Variants in SHANK2 observed in about 807,000 individuals in gnomAD.
SHANK2 encodes SH3 and multiple ankyrin repeat domains protein 2.
SHANK2 carries 43 observed loss-of-function variants against 133.7 expected under a neutral mutation model. The ratio of observed to expected loss-of-function variants is 0.32; its 90% confidence interval spans 0.25 to 0.41. SHANK2 has a LOEUF of 0.41. Among genes scored for constraint, SHANK2 ranks in the 10% least tolerant of loss-of-function variants. The pLI, the probability that SHANK2 is intolerant of heterozygous loss-of-function variation, is 1.00. For missense variants in SHANK2, 1,994 were observed against 2,235.8 expected, an observed-to-expected ratio of 0.89 and a Z score of 2.18; for synonymous variants, 1,017 against 952.8, an observed-to-expected ratio of 1.07 and a Z score of -1.24.
intron 17 of SHANK2, among the ~76,000 whole-genome samples, chr11:70,643,567 G>GAAA (rs536391581): frequency 2.2e-5 from 2 of 92,294 alleles, no homozygotes; most frequent in East Asian, 3.4e-4. Flanking sequence ...CTCCGTCTCG[G>GAAA]AAAAAAAAAA....
chr11:70,794,540 A>G (rs935039751), intron 14 of SHANK2, among the ~76,000 whole-genome samples: 1 of 152,088 alleles, frequency 6.6e-6, no homozygotes, highest in African/African-American at 2.4e-5. Flanking sequence ...GGGGTGAAAG[A>G]AAGGTGTTTT....
rs73535372 is a variant in SHANK2 at position 70,937,721 on chromosome 11, T to G, written c.1108-41154A>C. On this transcript the variant is annotated intron_variant, in intron 10 of 25. Coordinates refer to ENST00000601538, the MANE Select transcript of SHANK2 (RefSeq NM_012309.5). ...TTCTTGAGGGGCAATAGAACATTTT[T>G]TAAAAGGCAAAGCTTGGAGAAAAAA... is the stretch of plus-strand genomic sequence containing the variant. Among the ~76,000 whole-genome samples the G allele has an allele frequency of 7.1e-3, 1,074 of 152,246 alleles. 10 individuals are homozygous for G. The highest frequency in any genetic ancestry group is 0.025 in the African/African-American group (1,049 of 41,538).
chr11:70,885,132 C>T (rs905501278), intron 11 of SHANK2, among the ~76,000 whole-genome samples: 8 of 152,154 alleles, frequency 5.3e-5, no homozygotes, highest in African/African-American at 1.7e-4. Context: ...ACTGGGGTCT[C>T]GTGTGGTTGG....
At chr11:70,658,207 CA>C (rs1279788180) in intron 17 of SHANK2, among the ~76,000 whole-genome samples, 2 of 82,228 alleles carry the variant, frequency 2.4e-5, no homozygotes, top group Non-Finnish European at 2.6e-5. Flanking sequence ...CACGCCCCCC[CA>C]ACACACACAC....
At chr11:70,563,533 T>C (rs2059933189) in intron 17 of SHANK2, among the ~76,000 whole-genome samples, 1 of 120,256 alleles carries the variant, frequency 8.3e-6, no homozygotes, top group South Asian at 3.1e-4. Flanking sequence ...TTTCCATCTG[T>C]GGTCACTTTT....
At chr11:70,508,456 A>T (rs1354962342) in intron 17 of SHANK2, among the ~76,000 whole-genome samples, 9 of 152,186 alleles carry the variant, frequency 5.9e-5, no homozygotes, top group Admixed American at 5.9e-4. Context: ...CTTGTTCTGG[A>T]CTGAACTGTG....
intron 6 of SHANK2, among the ~76,000 whole-genome samples, chr11:71,103,708 T>G (rs1246125049): frequency 1.3e-5 from 2 of 152,152 alleles, no homozygotes; most frequent in Non-Finnish European, 2.9e-5. Context: ...GGGAGGTGAC[T>G]GGATCATGGG....
At chr11:71,149,768 A>AGATGGATG (rs1198161117) in intron 2 of SHANK2, among the ~76,000 whole-genome samples, 1 of 60,098 alleles carries the variant, frequency 1.7e-5, no homozygotes, top group Non-Finnish European at 2.9e-5. Flanking sequence ...GGAAGGAGGT[A>AGATGGATG]GATGGATGGA....
At position 70,571,991 on chromosome 11, in the gene SHANK2, G is replaced by T. The variant is rs144320473; in HGVS notation, c.2062-69060C>A. 2.4e-4 allele frequency among the ~76,000 whole-genome samples: 37 copies of T among 152,266 alleles called. No individual in the cohort carries two copies. In the East Asian group the frequency reaches 6.2e-3, roughly 25 times the overall value. ...GAGACTGAGCCCTTGTGATGGGATC[G>T]GTAGCCTTATAAAAGGGACCCCAGA... is the stretch of plus-strand genomic sequence containing the variant. On this transcript the variant is annotated intron_variant, in intron 17 of 25. Transcript: ENST00000601538.
chr11:70,784,364 T>TTTTTTTTTTTTTTTTTTTTTTTTTG (rs1947598872), intron 14 of SHANK2, among the ~76,000 whole-genome samples: 1 of 133,482 alleles, frequency 7.5e-6, no homozygotes, highest in African/African-American at 3.3e-5. Context: ...TTTTTTTTTT[T>TTTTTTTTTTTTTTTTTTTTTTTTTG]TTTTTTTTTT....
chr11:70,588,264 T>C (rs148439128), intron 17 of SHANK2, among the ~76,000 whole-genome samples: 34 of 152,328 alleles, frequency 2.2e-4, no homozygotes, highest in Non-Finnish European at 3.8e-4. Flanking sequence ...CACAATGGCC[T>C]CTAACTGCTC....
chr11:70,920,681 A>C (rs1950337305), intron 10 of SHANK2, among the ~76,000 whole-genome samples: 1 of 152,238 alleles, frequency 6.6e-6, no homozygotes, highest in Admixed American at 6.5e-5. Context: ...CAGTGACAGC[A>C]CGCCACTGCA....
In SHANK2 at chr11:70,492,339, A is replaced by G. The variant is rs1591496866; in HGVS notation, c.2435T>C (p.Met812Thr). 1 of 1,611,252 alleles carries G rather than the reference A, an allele frequency of 6.2e-7. No homozygotes were observed. Among genetic ancestry groups the G allele is most frequent in the Non-Finnish European group, 8.5e-7 (1 of 1,179,948 alleles). ...SSRCFPAGSD[M>T]NSVYERQGIA... Reference sequence around the variant, plus strand: ...TCCCAAGGTACGGCCACTCACGTTCATGTCTGAGCCCGCCGGGAAGCACCG... The same window carrying G: ...TCCCAAGGTACGGCCACTCACGTTCGTGTCTGAGCCCGCCGGGAAGCACCG... Residue 812 changes from methionine to threonine, a missense_variant, in exon 22 of 26, where the codon ATG becomes ACG. This residue lies in a region of SHANK2 where 488 missense variants were observed against 642.6 expected (regional missense o/e 0.76). Transcript: ENST00000601538.
chr11:71,174,741 C>G (rs1458032138), intron 2 of SHANK2: 1 of 150,834 alleles, frequency 6.6e-6, no homozygotes, highest in Non-Finnish European at 1.5e-5. Context: ...GTGGTTCCAG[C>G]TATTGGGAGG....
chr11:70,507,800 A>G (rs1414666426), intron 17 of SHANK2, among the ~76,000 whole-genome samples: 2 of 152,242 alleles, frequency 1.3e-5, no homozygotes, highest in African/African-American at 4.8e-5. Flanking sequence ...AGCCAGTTCC[A>G]GCACCAAGCA....
chr11:70,804,168 T>C lies in SHANK2; in HGVS notation c.1663+2834A>G, dbSNP rs1948112695. Among the ~76,000 whole-genome samples the C allele has an allele frequency of 6.6e-6, 1 of 152,186 alleles. No individual in the cohort carries two copies. Among genetic ancestry groups the C allele is most frequent in the African/African-American group, 2.4e-5 (1 of 41,452 alleles). ...CCCCTGCCAGCCAGGCAGCTGGGTT[T>C]CCTGCCCACAATGATTGTTCCCTTG... is the stretch of plus-strand genomic sequence containing the variant. On this transcript the variant is annotated intron_variant, in intron 13 of 25. Transcript: ENST00000601538. This position sits in a 1 kb window ranked among gnomAD's most constrained non-coding sequence, Gnocchi z 4.1.
chr11:70,643,749 G>T (rs2061220341), intron 17 of SHANK2, among the ~76,000 whole-genome samples: 1 of 152,192 alleles, frequency 6.6e-6, no homozygotes, highest in Non-Finnish European at 1.5e-5. Flanking sequence ...CTCCTGCCAT[G>T]TGCTGGGTGC....
chr11:70,930,714 A>G (rs1590844708), intron 10 of SHANK2, among the ~76,000 whole-genome samples: 1 of 124,952 alleles, frequency 8.0e-6, no homozygotes, highest in Admixed American at 1.0e-4. Flanking sequence ...CCCAGGCTGG[A>G]GGCTGGAGTG....
intron 5 of SHANK2, among the ~76,000 whole-genome samples, chr11:71,112,099 A>C (rs1555099397): frequency 6.6e-6 from 1 of 152,250 alleles, no homozygotes; most frequent in Admixed American, 6.5e-5. Flanking sequence ...CTCAGTGAGC[A>C]CAGTAAGAAT....
Sources: allele counts gnomAD v4.1 joint callset (sites outside exome capture counted in the v4.1 genomes callset), GRCh38; gene constraint gnomAD v4.1.1; regional missense constraint gnomAD v4.1.1; non-coding constraint Gnocchi (gnomAD v3.1); transcripts MANE v1.5; gene names NCBI Gene and HGNC (gene_info 2026-07-23, HGNC 2026-07-21).